The following BANK1 variants were observed in gnomAD, a reference collection of about 807,000 sequenced individuals.
BANK1 encodes B cell scaffold protein with ankyrin repeats 1.
In BANK1, 95 loss-of-function variants were observed where a neutral mutation model predicts 94.5. The ratio of observed to expected loss-of-function variants is 1.00; its 90% CI spans 0.85 to 1.19. The LOEUF is 1.19. Ranked by LOEUF, BANK1 falls within the 50% of genes most tolerant of loss-of-function variation. The pLI is 0.00. For missense variants in BANK1, 987 were observed against 932.2 expected (o/e 1.06, Z -0.77); for synonymous variants, 334 against 308.4 (o/e 1.08, Z -0.87).
At chr4:101,980,481 C>A (rs1725292060) in intron 7 of BANK1, among the ~76,000 whole-genome samples, 1 of 151,200 alleles carries the variant, frequency 6.6e-6, no homozygotes, top group African/African-American at 2.4e-5. Context: ...TTTTTCTGTT[C>A]ATAAATGAGT....
chr4:102,066,173 G>A (rs1041101603), intron 13 of BANK1, among the ~76,000 whole-genome samples: 2 of 148,982 alleles, frequency 1.3e-5, no homozygotes, highest in Non-Finnish European at 3.0e-5. Context: ...AGCAGCCAGA[G>A]AAAACACACG....
chr4:102,051,394 C>T lies in BANK1; in HGVS notation c.1969+7487C>T, dbSNP rs1728041555. Among the ~76,000 whole-genome samples, 4 of 152,080 alleles carry T rather than the reference C, an allele frequency of 2.6e-5. No individual in the cohort carries two copies. The South Asian group carries it at 8.3e-4, about 32-fold the overall frequency. On this transcript the variant is annotated intron_variant, in intron 11 of 16. Coordinates refer to ENST00000322953, the MANE Select transcript of BANK1 (RefSeq NM_017935.5). ...ATACCTTGAAAATTTTGTGTAATAG[C>T]TCAGTTTTTGTCTAAGATAGCAATA...
intron 7 of BANK1, among the ~76,000 whole-genome samples, chr4:102,014,795 A>G (rs1389384514): frequency 6.6e-6 from 1 of 152,156 alleles, no homozygotes; most frequent in Non-Finnish European, 1.5e-5. Context: ...TGAAGTACAT[A>G]CTAAGAATTT....
At chr4:101,849,037 T>C (rs552174518) in intron 2 of BANK1, among the ~76,000 whole-genome samples, 3 of 152,318 alleles carry the variant, frequency 2.0e-5, no homozygotes, top group African/African-American at 7.2e-5. Context: ...CTTAGCCCCC[T>C]TGTACTTTAC....
In BANK1 at chr4:102,073,691, C is replaced by T. The variant is rs762697682; in HGVS notation, c.2306C>T (p.Ala769Val). ...YNVHFSNKLP[A>V]RPQVEKEFGF... ...ATCTTTATTTTTTTTCAGCTTCCTG[C>T]TCGACCCCAAGTTGAAAAGGAATTT... The change falls in exon 16 of 17, where the codon GCT (alanine) becomes GTT (valine). Residue 769 changes from alanine (A) to valine (V), a missense_variant. By Grantham distance (64) the Ala-to-Val change is moderately conservative. Transcript: ENST00000322953. 5.1e-5 allele frequency: 82 copies of T among 1,610,836 alleles called. 1 individual carries two copies. The South Asian group carries it at 6.0e-4, about 12-fold the overall frequency.
chr4:101,935,291 A>T (rs1213192501), intron 7 of BANK1, among the ~76,000 whole-genome samples: 3 of 151,618 alleles, frequency 2.0e-5, no homozygotes, highest in African/African-American at 7.3e-5. Flanking sequence ...GTTCTTAAGT[A>T]GTCAATCAGG....
intron 11 of BANK1, among the ~76,000 whole-genome samples, chr4:102,056,047 CA>C (rs1174081146): frequency 1.3e-5 from 2 of 151,984 alleles, no homozygotes; most frequent in African/African-American, 4.8e-5. Flanking sequence ...TATAATGACA[CA>C]AGAATCACTG....
At chr4:101,956,892 A>C (rs983599478) in intron 7 of BANK1, among the ~76,000 whole-genome samples, 10 of 152,214 alleles carry the variant, frequency 6.6e-5, no homozygotes, top group African/African-American at 2.4e-4. Flanking sequence ...ATGCAAGTGA[A>C]TTACTCAACA....
intron 6 of BANK1, among the ~76,000 whole-genome samples, chr4:101,910,688 C>T (rs1314983077): frequency 3.0e-5 from 4 of 133,172 alleles, no homozygotes; most frequent in South Asian, 2.6e-4. Context: ...AGCTAGACTC[C>T]GTCTCGAAAA....
intron 10 of BANK1, among the ~76,000 whole-genome samples, chr4:102,041,211 T>C (rs998962472): frequency 1.3e-5 from 2 of 152,032 alleles, no homozygotes; most frequent in Non-Finnish European, 2.9e-5. Flanking sequence ...CATAAAGTCT[T>C]TTAGAACAAA....
At chr4:101,895,549 A>C in intron 6 of BANK1, 139 bp downstream of exon 6, 1 of 557,928 alleles carries the variant, frequency 1.8e-6, no homozygotes, top group South Asian at 2.5e-5. Flanking sequence ...CTCCTGGTGA[A>C]AGGGTACATT....
At chr4:101,974,394 A>G (rs956162077) in intron 7 of BANK1, among the ~76,000 whole-genome samples, 1 of 152,184 alleles carries the variant, frequency 6.6e-6, no homozygotes, top group African/African-American at 2.4e-5. Context: ...AAAAGCAGAG[A>G]GAGGAGTTGT....
chr4:101,854,984 A>G, intron 2 of BANK1, 51 bp from the exon 3 acceptor site: 1 of 1,413,190 alleles, frequency 7.1e-7, no homozygotes, highest in Non-Finnish European at 9.8e-7. Context: ...AATGGAGGAA[A>G]TACTGTGGCT....
At chr4:101,949,222 A>G (rs1033981843) in intron 7 of BANK1, among the ~76,000 whole-genome samples, 1 of 152,134 alleles carries the variant, frequency 6.6e-6, no homozygotes, top group Non-Finnish European at 1.5e-5. Context: ...AAACAAGCAT[A>G]TTCTCATCCT....
intron 6 of BANK1, among the ~76,000 whole-genome samples, chr4:101,915,921 C>T (rs1722813204): frequency 6.6e-6 from 1 of 151,938 alleles, no homozygotes; most frequent in Non-Finnish European, 1.5e-5. Context: ...TGTCAGAGAG[C>T]AAAAGGTTTC....
intron 5 of BANK1, among the ~76,000 whole-genome samples, chr4:101,878,257 A>G (rs1234092337): frequency 6.6e-6 from 1 of 152,172 alleles, no homozygotes; most frequent in Non-Finnish European, 1.5e-5. Context: ...TGAAAGGATG[A>G]AAAAAGATAT....
At chr4:101,880,392 T>C (rs1728635010) in intron 5 of BANK1, among the ~76,000 whole-genome samples, 1 of 151,946 alleles carries the variant, frequency 6.6e-6, no homozygotes, top group Admixed American at 6.6e-5. Context: ...GAAAGATATC[T>C]ATAATTAAAA....
chr4:101,862,410 C>A (rs1727912607), intron 3 of BANK1, 116 bp from the exon 4 acceptor site: 6 of 714,984 alleles, frequency 8.4e-6, no homozygotes, highest in South Asian at 3.6e-5. Context: ...ATACAAACAC[C>A]ATAGAAGACT....
At chr4:101,913,098 A>G (rs759298730) in intron 6 of BANK1, among the ~76,000 whole-genome samples, 8 of 152,130 alleles carry the variant, frequency 5.3e-5, no homozygotes, top group Non-Finnish European at 8.8e-5. Context: ...AACCCAGCCC[A>G]TCTGGTTTGT....
Sources: allele counts gnomAD v4.1 joint callset (sites outside exome capture counted in the v4.1 genomes callset), GRCh38; gene constraint gnomAD v4.1.1; transcripts MANE v1.5; gene names NCBI Gene and HGNC (gene_info 2026-07-23, HGNC 2026-07-21).